Variants in MEIS2 observed in about 807,000 individuals in gnomAD.
MEIS2 encodes the protein Meis homeobox 2.
Under a neutral mutation model 58.6 loss-of-function variants are expected in MEIS2, and 9 were observed. The observed-to-expected ratio is 0.15, with a 90% CI of 0.09 to 0.27. The LOEUF (loss-of-function observed/expected upper bound fraction) is 0.27. Ranked by LOEUF, MEIS2 falls within the 10% of genes least tolerant of loss-of-function variation. The pLI is 1.00. For synonymous variants in MEIS2, 221 were observed against 228.4 expected, an observed-to-expected ratio of 0.97 and a Z score of 0.29; for missense variants, 427 against 635.0, an observed-to-expected ratio of 0.67 and a Z score of 3.52.
intron 7 of MEIS2, among the ~76,000 whole-genome samples, chr15:37,067,597 A>T (rs901940240): frequency 1.4e-3 from 13 of 9,348 alleles, no homozygotes; most frequent in Non-Finnish European, 8.6e-4. Context: ...ATCAGAAATT[A>T]AAAAAAAAAA....
At chr15:36,921,118 C>T (rs1194081310) in intron 9 of MEIS2, among the ~76,000 whole-genome samples, 1 of 152,114 alleles carries the variant, frequency 6.6e-6, no homozygotes, top group African/African-American at 2.4e-5. Flanking sequence ...GATGCAGCCC[C>T]TGTAGAATAA....
At chr15:36,953,507 A>G (rs2058837476) in intron 8 of MEIS2, among the ~76,000 whole-genome samples, 1 of 152,212 alleles carries the variant, frequency 6.6e-6, no homozygotes. Context: ...ACTCTAGTCC[A>G]GTGGCCCAGA....
At chr15:37,025,112 T>G (rs1294506409) in intron 8 of MEIS2, among the ~76,000 whole-genome samples, 1 of 152,182 alleles carries the variant, frequency 6.6e-6, no homozygotes, top group Non-Finnish European at 1.5e-5. Flanking sequence ...AAGAAACAAG[T>G]GCAATACTTG....
chr15:36,913,757 T>C (rs908705712), intron 9 of MEIS2, among the ~76,000 whole-genome samples: 2 of 151,758 alleles, frequency 1.3e-5, no homozygotes, highest in African/African-American at 4.8e-5. Context: ...TAAGGAGATT[T>C]TTTTCCTCCT....
intron 7 of MEIS2, among the ~76,000 whole-genome samples, chr15:37,060,020 A>C (rs1330191985): frequency 2.0e-5 from 3 of 152,150 alleles, no homozygotes; most frequent in African/African-American, 7.2e-5. Context: ...AGCCTCCATG[A>C]GCTATGATAC....
chr15:36,969,449 GT>G (rs2059460552), intron 8 of MEIS2, among the ~76,000 whole-genome samples: 1 of 152,064 alleles, frequency 6.6e-6, no homozygotes, highest in Non-Finnish European at 1.5e-5. Flanking sequence ...ACACGAAAGT[GT>G]TTTTTCCTTA....
intron 8 of MEIS2, among the ~76,000 whole-genome samples, chr15:36,967,953 C>A (rs1314757347): frequency 1.3e-5 from 2 of 152,194 alleles, no homozygotes; most frequent in African/African-American, 4.8e-5. Flanking sequence ...TATGAACTCC[C>A]CTAGCCCTCT....
At chr15:37,055,418 G>T (rs892518805) in intron 7 of MEIS2, among the ~76,000 whole-genome samples, 1 of 152,062 alleles carries the variant, frequency 6.6e-6, no homozygotes, top group Non-Finnish European at 1.5e-5. Context: ...GTGTGTGTGT[G>T]TTTTTCCCCC....
rs1463914093 is a variant in MEIS2 at position 36,895,128 on chromosome 15, A to G, written c.1147+23T>C. On this transcript the variant is annotated intron_variant, in intron 11 of 11. Transcript: ENST00000561208. ...CAGGTGGCACTTCCCAGGGAAGCCC[A>G]GAGGCGGGATGAGCCAACCTACCTG... 5.0e-6 allele frequency: 8 copies of G among 1,598,606 alleles called. No individual in the cohort carries two copies. The South Asian group carries it at 6.6e-5, about 13-fold the overall frequency.
At chr15:37,067,445 T>C (rs980585636) in intron 7 of MEIS2, among the ~76,000 whole-genome samples, 1 of 152,042 alleles carries the variant, frequency 6.6e-6, no homozygotes, top group East Asian at 1.9e-4. Flanking sequence ...CTCCCACCCT[T>C]ATGTCTGAGC....
At chr15:36,900,245 T>A (rs939431712) in intron 9 of MEIS2, among the ~76,000 whole-genome samples, 11 of 152,350 alleles carry the variant, frequency 7.2e-5, no homozygotes, top group Admixed American at 2.0e-4. Flanking sequence ...TCTAGCTCTA[T>A]CTAGATTTCA....
intron 8 of MEIS2, among the ~76,000 whole-genome samples, chr15:37,005,503 C>A (rs1413405618): frequency 6.6e-6 from 1 of 152,168 alleles, no homozygotes. Context: ...TGACGCACCA[C>A]CATCCAGACA....
At chr15:36,945,704 G>A (rs1466315898) in intron 9 of MEIS2, among the ~76,000 whole-genome samples, 1 of 151,996 alleles carries the variant, frequency 6.6e-6, no homozygotes, top group Non-Finnish European at 1.5e-5. Flanking sequence ...GCTGTTAGAC[G>A]TAGAATGATT....
chr15:37,023,274 A>C (rs1472557374), intron 8 of MEIS2, among the ~76,000 whole-genome samples: 1 of 152,130 alleles, frequency 6.6e-6, no homozygotes, highest in Non-Finnish European at 1.5e-5. Context: ...TTCTCAACTG[A>C]CTTGAAGTGA....
At chr15:36,912,774 G>A (rs1189695439) in intron 9 of MEIS2, among the ~76,000 whole-genome samples, 1 of 147,110 alleles carries the variant, frequency 6.8e-6, no homozygotes, top group Non-Finnish European at 1.5e-5. Flanking sequence ...TCTTCTGTTT[G>A]TAAGTTTGTC....
At chr15:37,039,275 ACT>A (rs1056234130) in intron 7 of MEIS2, among the ~76,000 whole-genome samples, 41 of 152,034 alleles carry the variant, frequency 2.7e-4, no homozygotes, top group African/African-American at 9.2e-4. Context: ...GTATGGAATA[ACT>A]CTTCCTTCAG....
At chr15:36,955,317 T>C (rs918035003) in intron 8 of MEIS2, among the ~76,000 whole-genome samples, 4 of 152,228 alleles carry the variant, frequency 2.6e-5, no homozygotes, top group Non-Finnish European at 5.9e-5. Context: ...TTGGTATTCA[T>C]AATTTTTAGC....
chr15:36,901,141 C>T (rs1397771025), intron 9 of MEIS2: 7 of 152,268 alleles, frequency 4.6e-5, no homozygotes, highest in African/African-American at 1.7e-4. Context: ...GCGTAGGTAG[C>T]TCAGTGACCG....
At chr15:37,016,661 A>G (rs755878657) in intron 8 of MEIS2, among the ~76,000 whole-genome samples, 4 of 152,212 alleles carry the variant, frequency 2.6e-5, no homozygotes, top group Non-Finnish European at 5.9e-5. Context: ...TATGCATATA[A>G]TAGGAACTTT....
Sources: allele counts gnomAD v4.1 joint callset (sites outside exome capture counted in the v4.1 genomes callset), GRCh38; gene constraint gnomAD v4.1.1; transcripts MANE v1.5; gene names NCBI Gene and HGNC (gene_info 2026-07-23, HGNC 2026-07-21).